The following EXOC6B variants were observed in gnomAD, a reference collection of about 807,000 sequenced individuals.
EXOC6B encodes the protein SEC15 homolog B.
Under a neutral mutation model 113.5 loss-of-function variants are expected in EXOC6B, and 54 were observed. The observed-to-expected ratio is 0.48, with a 90% CI of 0.38 to 0.60. EXOC6B has a LOEUF of 0.60. Ranked by LOEUF, EXOC6B falls within the 20% of genes least tolerant of loss-of-function variation. EXOC6B has a pLI of 0.00. For missense variants in EXOC6B, 797 were observed against 977.5 expected (o/e 0.82, Z 2.46); for synonymous variants, 357 against 339.0 (o/e 1.05, Z -0.58).
intron 6 of EXOC6B, among the ~76,000 whole-genome samples, chr2:72,607,276 T>C (rs1330504965): frequency 6.6e-6 from 1 of 152,150 alleles, no homozygotes; most frequent in African/African-American, 2.4e-5. Context: ...CATAAAGGAT[T>C]AGCTCAGCCT....
At chr2:72,734,091 T>C (rs1036175544) in intron 2 of EXOC6B, among the ~76,000 whole-genome samples, 1 of 152,150 alleles carries the variant, frequency 6.6e-6, no homozygotes, top group Non-Finnish European at 1.5e-5. Flanking sequence ...TATAGGATGT[T>C]TTCCAAATTT....
At chr2:72,613,089 A>C (rs1249895893) in intron 6 of EXOC6B, among the ~76,000 whole-genome samples, 1 of 152,202 alleles carries the variant, frequency 6.6e-6, no homozygotes, top group African/African-American at 2.4e-5. Context: ...TATTTTAATG[A>C]TGATAAAATC....
At chr2:72,401,897 G>C (rs1693358652) in intron 18 of EXOC6B, among the ~76,000 whole-genome samples, 1 of 150,472 alleles carries the variant, frequency 6.6e-6, no homozygotes, top group Non-Finnish European at 1.5e-5. Context: ...CAATAATATT[G>C]ACAGTTGACT....
intron 19 of EXOC6B, among the ~76,000 whole-genome samples, chr2:72,364,767 C>A (rs1483424631): frequency 6.6e-6 from 1 of 152,122 alleles, no homozygotes; most frequent in Non-Finnish European, 1.5e-5. Context: ...TCCTTCATCC[C>A]TGTTTATCTC....
At chr2:72,609,957 G>A (rs943210711) in intron 6 of EXOC6B, among the ~76,000 whole-genome samples, 1 of 152,054 alleles carries the variant, frequency 6.6e-6, no homozygotes, top group Non-Finnish European at 1.5e-5. Flanking sequence ...ACAATAAAAT[G>A]ACATGTTTAA....
intron 1 of EXOC6B, among the ~76,000 whole-genome samples, chr2:72,824,422 G>A (rs1686777804): frequency 6.6e-6 from 1 of 152,104 alleles, no homozygotes; most frequent in Non-Finnish European, 1.5e-5. Flanking sequence ...AAGTAATTGC[G>A]GTTTTTGCCA....
chr2:72,772,095 G>A (rs987783309), intron 1 of EXOC6B, among the ~76,000 whole-genome samples: 7 of 152,132 alleles, frequency 4.6e-5, no homozygotes, highest in Admixed American at 3.9e-4. Context: ...ATTAAAGGGG[G>A]TATGAAAGAC....
At chr2:72,652,556 G>A (rs928961403) in intron 6 of EXOC6B, among the ~76,000 whole-genome samples, 1 of 151,478 alleles carries the variant, frequency 6.6e-6, no homozygotes, top group African/African-American at 2.4e-5. Flanking sequence ...CTCAATAGAT[G>A]AAGAATAACA....
rs558401050 is a variant in EXOC6B, at chr2:72,183,130, T to TAAG, written c.2309+942_2309+944dup. Among the ~76,000 whole-genome samples the TAAG allele has an allele frequency of 4.9e-4, 74 of 152,280 alleles. 1 individual carries two copies. In the East Asian group the frequency reaches 0.013, roughly 26 times the overall value. ...ATAGACTTTGACCTCTCCTTCTGCT[T>TAAG]AAGGCTCCACTCTGACTTCCTGGAC... On this transcript the variant is annotated intron_variant, in intron 21 of 21. Coordinates refer to ENST00000272427, the MANE Select transcript of EXOC6B (RefSeq NM_015189.3).
chr2:72,184,692 C>T (rs1049561520), intron 20 of EXOC6B, among the ~76,000 whole-genome samples: 2 of 152,110 alleles, frequency 1.3e-5, no homozygotes, highest in Non-Finnish European at 2.9e-5. Flanking sequence ...ACTGACTTAG[C>T]CCAAGTGACT....
intron 19 of EXOC6B, 106 bp downstream of exon 19, chr2:72,379,623 T>C (rs1001869631): frequency 1.9e-5 from 21 of 1,086,532 alleles, no homozygotes; most frequent in Admixed American, 6.3e-5. Flanking sequence ...AGGTATTCTT[T>C]GACTGCATTA....
chr2:72,732,006 A>C (rs550742439), intron 3 of EXOC6B, among the ~76,000 whole-genome samples: 49 of 152,346 alleles, frequency 3.2e-4, no homozygotes, highest in Non-Finnish European at 5.9e-4. Flanking sequence ...CATTTGTTTT[A>C]GTTTCCTCAT....
chr2:72,413,199 G>C (rs1694298591), intron 18 of EXOC6B, among the ~76,000 whole-genome samples: 1 of 151,556 alleles, frequency 6.6e-6, no homozygotes, highest in Non-Finnish European at 1.5e-5. Flanking sequence ...CTGACCTCGT[G>C]ATCCGCCCAC....
At chr2:72,237,533 A>T (rs1293654421) in intron 20 of EXOC6B, among the ~76,000 whole-genome samples, 1 of 152,218 alleles carries the variant, frequency 6.6e-6, no homozygotes, top group Non-Finnish European at 1.5e-5. Flanking sequence ...ACTGACTATA[A>T]ATGAAGTAAA....
chr2:72,770,369 C>T (rs191513743), intron 1 of EXOC6B, among the ~76,000 whole-genome samples: 9 of 152,204 alleles, frequency 5.9e-5, no homozygotes, highest in South Asian at 2.1e-4. Context: ...AATCCCTAAT[C>T]GAAAATCCTT....
At chr2:72,310,534 G>A (rs1479778741) in intron 20 of EXOC6B, among the ~76,000 whole-genome samples, 7 of 151,866 alleles carry the variant, frequency 4.6e-5, no homozygotes, top group Admixed American at 2.0e-4. Flanking sequence ...CTGGACAGAA[G>A]TCTCTTACCA....
chr2:72,421,696 C>T (rs948464002), intron 18 of EXOC6B, among the ~76,000 whole-genome samples: 12 of 152,256 alleles, frequency 7.9e-5, no homozygotes, highest in African/African-American at 1.4e-4. Context: ...TCGCTCTCGG[C>T]GCCTCCTCTG....
intron 18 of EXOC6B, among the ~76,000 whole-genome samples, chr2:72,398,298 G>A (rs66827358): frequency 0.21 from 31,912 of 152,064 alleles, 6,340 homozygotes; most frequent in African/African-American, 0.53. Context: ...GCCTGCCAGT[G>A]TTCAGAATGG....
intron 6 of EXOC6B, among the ~76,000 whole-genome samples, chr2:72,610,103 C>T (rs1014230247): frequency 9.9e-5 from 15 of 151,930 alleles, no homozygotes; most frequent in African/African-American, 2.2e-4. Flanking sequence ...ACTATGGGTA[C>T]TATATTAAAT....
Sources: allele counts gnomAD v4.1 joint callset (sites outside exome capture counted in the v4.1 genomes callset), GRCh38; gene constraint gnomAD v4.1.1; transcripts MANE v1.5; gene names NCBI Gene and HGNC (gene_info 2026-07-23, HGNC 2026-07-21).